Variants in MALL observed in about 807,000 individuals in gnomAD.
MALL encodes MAL-like protein.
A neutral mutation model predicts 10.3 loss-of-function variants in MALL; 2 were observed. The observed-to-expected ratio is 0.19, with a 90% CI of 0.08 to 0.61. The LOEUF (loss-of-function observed/expected upper bound fraction) is 0.61. MALL is among the 20% of genes least tolerant of loss of function. The pLI, the probability that MALL is intolerant of heterozygous loss-of-function variation, is 0.88. For missense variants in MALL, 39 were observed against 115.2 expected, an observed-to-expected ratio of 0.34 and a Z score of 3.03; for synonymous variants, 27 against 51.8, an observed-to-expected ratio of 0.52 and a Z score of 2.05.
intron 1 of MALL, among the ~76,000 whole-genome samples, chr2:110,106,354 C>T (rs571450988): frequency 2.0e-5 from 3 of 152,274 alleles, no homozygotes; most frequent in Middle Eastern, 6.8e-3. Context: ...CACCCGCAGA[C>T]AGCTGGCTCC....
At chr2:110,098,275 C>T (rs1445070863) in intron 1 of MALL, among the ~76,000 whole-genome samples, 1 of 151,916 alleles carries the variant, frequency 6.6e-6, no homozygotes, top group African/African-American at 2.4e-5. Flanking sequence ...AGTTCAGTGG[C>T]ATTCATGTTC....
rs183045989 is a variant in MALL at position 110,108,500 on chromosome 2, A to G, written c.105+7188T>C. ...CAATCCAACAAAGACAAAGAAAAAAAAAAAGAAAATATGAGCAAAGCCTCC... is the reference window on the plus strand; with the variant it reads ...CAATCCAACAAAGACAAAGAAAAAAGAAAAGAAAATATGAGCAAAGCCTCC... On this transcript the variant is annotated intron_variant, in intron 1 of 3. Transcript: ENST00000272462. 1.9e-3 allele frequency among the ~76,000 whole-genome samples: 293 copies of G among 152,216 alleles called. 1 individual carries two copies. Among genetic ancestry groups the G allele is most frequent in the Middle Eastern group, 3.4e-3 (1 of 294 alleles).
chr2:110,098,728 G>A (rs1678497061), intron 1 of MALL, among the ~76,000 whole-genome samples: 1 of 152,046 alleles, frequency 6.6e-6, no homozygotes, highest in Non-Finnish European at 1.5e-5. Context: ...AAAACAGCTG[G>A]GTGCAGTGGC....
intron 1 of MALL, among the ~76,000 whole-genome samples, chr2:110,100,894 C>T (rs1250580709): frequency 2.6e-5 from 4 of 152,162 alleles, no homozygotes; most frequent in Non-Finnish European, 5.9e-5. Flanking sequence ...GGGAGGAGCC[C>T]TGGAGTGCCC....
intron 1 of MALL, chr2:110,097,664 C>T: frequency 2.6e-6 from 1 of 391,278 alleles, no homozygotes; most frequent in Middle Eastern, 3.6e-4. Flanking sequence ...GTGGCCAGGG[C>T]TCTGGGCTGT....
chr2:110,116,134 T>A (rs1245230361), upstream of MALL: 2 of 230,156 alleles, frequency 8.7e-6, no homozygotes, highest in African/African-American at 4.5e-5. Context: ...GCCCAGAGTG[T>A]AGGCCCAAGC....
At chr2:110,096,035 A>T (rs1395471886) in intron 1 of MALL, among the ~76,000 whole-genome samples, 2 of 152,250 alleles carry the variant, frequency 1.3e-5, no homozygotes, top group African/African-American at 2.4e-5. Flanking sequence ...TTTAAAAGAA[A>T]GAGAAGCCGG....
At chr2:110,095,649 G>A (rs1035527901) in intron 1 of MALL, among the ~76,000 whole-genome samples, 2 of 151,518 alleles carry the variant, frequency 1.3e-5, no homozygotes, top group Non-Finnish European at 2.9e-5. Flanking sequence ...ACGATGTAGT[G>A]TGAACTTTTT....
chr2:110,114,658 G>A (rs981341363), intron 1 of MALL, among the ~76,000 whole-genome samples: 2 of 151,168 alleles, frequency 1.3e-5, no homozygotes, highest in Non-Finnish European at 2.9e-5. Flanking sequence ...TGGCTAACCC[G>A]TTCGCCAGTT....
chr2:110,096,241 C>T (rs987857516), intron 1 of MALL, among the ~76,000 whole-genome samples: 2 of 152,084 alleles, frequency 1.3e-5, no homozygotes, highest in Admixed American at 1.3e-4. Flanking sequence ...GGTGGGGTGG[C>T]CAGGGCTGAG....
intron 1 of MALL, among the ~76,000 whole-genome samples, chr2:110,098,848 A>G (rs1678501081): frequency 1.2e-4 from 18 of 152,080 alleles, no homozygotes. Flanking sequence ...AAAAAAATAC[A>G]AACATTAGCC....
chr2:110,115,625 G>A, intron 1 of MALL, 63 bp downstream of exon 1: 2 of 961,100 alleles, frequency 2.1e-6, no homozygotes, highest in Non-Finnish European at 2.8e-6. Context: ...GTCCGGTCTG[G>A]GTCCGAGGCC....
upstream of MALL, among the ~76,000 whole-genome samples, chr2:110,117,615 G>T (rs1485826968): frequency 4.5e-5 from 6 of 134,416 alleles, no homozygotes; most frequent in Non-Finnish European, 8.0e-5. Context: ...GTGTGTGTGT[G>T]TGTGTGTGTG....
intron 1 of MALL, among the ~76,000 whole-genome samples, chr2:110,110,636 C>T (rs947820922): frequency 6.6e-6 from 1 of 152,102 alleles, no homozygotes; most frequent in Non-Finnish European, 1.5e-5. Context: ...TTCTACCAGA[C>T]ATTCAAAGAA....
intron 1 of MALL, among the ~76,000 whole-genome samples, chr2:110,102,680 C>T (rs1402869076): frequency 3.3e-5 from 5 of 152,186 alleles, no homozygotes; most frequent in South Asian, 2.1e-4. Flanking sequence ...TGGAGACAGA[C>T]GTGTATTTGT....
chr2:110,106,397 C>A (rs2104390008), intron 1 of MALL, among the ~76,000 whole-genome samples: 1 of 152,236 alleles, frequency 6.6e-6, no homozygotes, highest in East Asian at 1.9e-4. Context: ...CGCACCCACC[C>A]CAGGCTCCCC....
chr2:110,096,345 G>T (rs1678439864), intron 1 of MALL, among the ~76,000 whole-genome samples: 2 of 152,130 alleles, frequency 1.3e-5, no homozygotes, highest in African/African-American at 2.4e-5. Context: ...AGCTCTGCCT[G>T]GTGGGTAGGT....
At position 110,107,711 on chromosome 2, in the gene MALL, C is replaced by T. The variant is rs146375896; in HGVS notation, c.105+7977G>A. On this transcript the variant is annotated intron_variant, in intron 1 of 3. Transcript: ENST00000272462. The stretch of plus-strand genomic sequence containing the variant: ...AGCTGCTGCTTTTTGGAAAGTGTCA[C>T]CTCCTGGCAGGGGGCCAACCAGCAC... Among the ~76,000 whole-genome samples, 510 of 152,322 alleles carry T rather than the reference C, an allele frequency of 3.3e-3. 4 individuals are homozygous for T. The highest frequency in any genetic ancestry group is 0.012 in the African/African-American group (479 of 41,562).
At chr2:110,113,802 T>G (rs934933596) in intron 1 of MALL, among the ~76,000 whole-genome samples, 1 of 152,082 alleles carries the variant, frequency 6.6e-6, no homozygotes, top group Non-Finnish European at 1.5e-5. Flanking sequence ...AGTGTTAGTT[T>G]CCTGATTTCA....
Sources: allele counts gnomAD v4.1 joint callset (sites outside exome capture counted in the v4.1 genomes callset), GRCh38; gene constraint gnomAD v4.1.1; transcripts MANE v1.5; gene names NCBI Gene and HGNC (gene_info 2026-07-23, HGNC 2026-07-21).